Variants in EEPD1 observed in about 807,000 individuals in gnomAD.
The protein encoded by EEPD1 is endonuclease/exonuclease/phosphatase family domain containing 1.
A neutral mutation model predicts 46.3 loss-of-function variants in EEPD1; 17 were observed. The observed-to-expected ratio is 0.37, with a 90% CI of 0.25 to 0.55. EEPD1 has a LOEUF of 0.55. Among genes scored for constraint, EEPD1 ranks in the 20% least tolerant of loss-of-function variants. The pLI, the probability that EEPD1 is intolerant of heterozygous loss-of-function variation, is 0.83. For synonymous variants in EEPD1, 313 were observed against 315.6 expected, an observed-to-expected ratio of 0.99 and a Z score of 0.09; for missense variants, 673 against 745.6, an observed-to-expected ratio of 0.90 and a Z score of 1.13.
intron 5 of EEPD1, among the ~76,000 whole-genome samples, chr7:36,285,524 C>T (rs1231990536): frequency 3.3e-5 from 5 of 152,154 alleles, no homozygotes; most frequent in South Asian, 2.1e-4. Context: ...TCCCCGGATG[C>T]CCTTGGGAAG....
intron 3 of EEPD1, among the ~76,000 whole-genome samples, chr7:36,246,120 A>G (rs1207595491): frequency 6.6e-6 from 1 of 152,228 alleles, no homozygotes; most frequent in Non-Finnish European, 1.5e-5. Context: ...CAGAGGGCGG[A>G]CCACTGGCTG....
At chr7:36,176,385 C>T (rs1785180523) in intron 2 of EEPD1, among the ~76,000 whole-genome samples, 1 of 152,184 alleles carries the variant, frequency 6.6e-6, no homozygotes, top group Admixed American at 6.5e-5. Flanking sequence ...GGCAGGGTTT[C>T]CTACCCCTGA....
At chr7:36,200,916 G>A (rs1785701512) in intron 2 of EEPD1, among the ~76,000 whole-genome samples, 2 of 152,172 alleles carry the variant, frequency 1.3e-5, no homozygotes, top group Non-Finnish European at 2.9e-5. Context: ...GGGGCAAACA[G>A]CAACTTTCCA....
At chr7:36,245,899 T>C (rs925804392) in intron 3 of EEPD1, among the ~76,000 whole-genome samples, 1 of 152,208 alleles carries the variant, frequency 6.6e-6, no homozygotes, top group African/African-American at 2.4e-5. Flanking sequence ...GACACTTCTG[T>C]TTTTCTGAAC....
chr7:36,240,081 C>T (rs1786532521), intron 3 of EEPD1, among the ~76,000 whole-genome samples: 1 of 152,144 alleles, frequency 6.6e-6, no homozygotes, highest in African/African-American at 2.4e-5. Context: ...CCAGCCTGGG[C>T]AACATAGTGA....
At chr7:36,259,509 A>G (rs1050919231) in intron 3 of EEPD1, among the ~76,000 whole-genome samples, 1 of 151,936 alleles carries the variant, frequency 6.6e-6, no homozygotes, top group African/African-American at 2.4e-5. Context: ...TTATTCATAT[A>G]TATAATTTTT....
intron 3 of EEPD1, among the ~76,000 whole-genome samples, chr7:36,267,771 C>T (rs1215541859): frequency 6.6e-6 from 1 of 152,194 alleles, no homozygotes; most frequent in Non-Finnish European, 1.5e-5. Context: ...CCCTGCCACC[C>T]ACCAACTTGT....
intron 2 of EEPD1, among the ~76,000 whole-genome samples, chr7:36,184,766 T>C (rs1182215465): frequency 6.6e-6 from 1 of 152,194 alleles, no homozygotes; most frequent in Non-Finnish European, 1.5e-5. Flanking sequence ...GGTCTCGCTC[T>C]GTCACCCAGG....
rs544878500 is a variant in EEPD1, at chr7:36,254,823, G to A, written c.930+15787G>A. On this transcript the variant is annotated intron_variant, in intron 3 of 7. Coordinates refer to ENST00000242108, the MANE Select transcript of EEPD1 (RefSeq NM_030636.3). ...GTTGTTTCCTGACTTTTTAATGATCGCCATTCTAACTGGCGTGAGATGGTA... is the reference window on the plus strand; with the variant it reads ...GTTGTTTCCTGACTTTTTAATGATCACCATTCTAACTGGCGTGAGATGGTA... Among the ~76,000 whole-genome samples the A allele has an allele frequency of 2.2e-3, 331 of 152,166 alleles. 2 individuals are homozygous for A. Among genetic ancestry groups the A allele is most frequent in the African/African-American group, 7.0e-3 (289 of 41,510 alleles).
chr7:36,253,337 T>C (rs1036663431), intron 3 of EEPD1, among the ~76,000 whole-genome samples: 3 of 152,226 alleles, frequency 2.0e-5, no homozygotes, highest in Admixed American at 1.3e-4. Flanking sequence ...TGTAAATGAA[T>C]TGAGGCATGT....
rs572269175 is a variant in EEPD1, at chr7:36,259,820, A to G, written c.930+20784A>G. 5.3e-5 allele frequency among the ~76,000 whole-genome samples: 8 copies of G among 152,268 alleles called. No homozygotes were observed. In the East Asian group the frequency reaches 1.5e-3, roughly 29 times the overall value. Reference sequence around the variant, plus strand: ...CATGAGCCACCATGCCGGGCCTATTATCTTATATATTTTTATGTCTTCTAA... The same window carrying G: ...CATGAGCCACCATGCCGGGCCTATTGTCTTATATATTTTTATGTCTTCTAA... On this transcript the variant is annotated intron_variant, in intron 3 of 7. Transcript: ENST00000242108.
At chr7:36,204,358 T>C (rs1037160985) in intron 2 of EEPD1, among the ~76,000 whole-genome samples, 3 of 152,120 alleles carry the variant, frequency 2.0e-5, no homozygotes, top group African/African-American at 7.2e-5. Context: ...TTAAGTAGCA[T>C]TTACAATGGC....
At chr7:36,192,055 T>C (rs1785470837) in intron 2 of EEPD1, among the ~76,000 whole-genome samples, 1 of 152,224 alleles carries the variant, frequency 6.6e-6, no homozygotes, top group African/African-American at 2.4e-5. Flanking sequence ...AAATGTCTCA[T>C]CTGTGTGCTC....
At chr7:36,165,825 A>G (rs552679159) in intron 2 of EEPD1, among the ~76,000 whole-genome samples, 21 of 152,158 alleles carry the variant, frequency 1.4e-4, no homozygotes, top group Admixed American at 1.2e-3. Flanking sequence ...ATAAATTGAT[A>G]GTTTGACTCA....
At chr7:36,216,329 G>C (rs1283999731) in intron 2 of EEPD1, among the ~76,000 whole-genome samples, 1 of 151,896 alleles carries the variant, frequency 6.6e-6, no homozygotes, top group Non-Finnish European at 1.5e-5. Flanking sequence ...ATTGCTCACT[G>C]GTTCTGAGGA....
intron 3 of EEPD1, among the ~76,000 whole-genome samples, chr7:36,251,757 C>T (rs186852203): frequency 3.1e-4 from 47 of 152,296 alleles, no homozygotes; most frequent in African/African-American, 1.1e-3. Flanking sequence ...TCTAACCTAA[C>T]CCAAAGCATT....
intron 3 of EEPD1, among the ~76,000 whole-genome samples, chr7:36,254,440 C>T (rs1324246438): frequency 6.6e-6 from 1 of 152,148 alleles, no homozygotes; most frequent in African/African-American, 2.4e-5. Flanking sequence ...CATCCATGTC[C>T]CTGCAAAGGA....
intron 2 of EEPD1, among the ~76,000 whole-genome samples, chr7:36,210,840 A>G (rs1190271622): frequency 6.6e-6 from 1 of 151,910 alleles, no homozygotes; most frequent in African/African-American, 2.4e-5. Flanking sequence ...ATCTCCTAAC[A>G]CTTGTTCCTG....
At chr7:36,223,835 A>G (rs1786187182) in intron 2 of EEPD1, among the ~76,000 whole-genome samples, 1 of 152,256 alleles carries the variant, frequency 6.6e-6, no homozygotes, top group Non-Finnish European at 1.5e-5. Flanking sequence ...TAGAATCTGC[A>G]GTTTGTTACA....
Sources: gnomAD v4.1 joint callset for allele counts (sites outside exome capture counted in the v4.1 genomes callset) on GRCh38, gnomAD v4.1.1 for gene constraint, MANE v1.5 for transcripts, NCBI Gene and HGNC (gene_info 2026-07-23, HGNC 2026-07-21) for gene names.